The following EEFSEC variants were observed in gnomAD, a reference collection of about 807,000 sequenced individuals.
The protein encoded by EEFSEC is selenocysteine-specific elongation factor.
In EEFSEC, 43 loss-of-function variants were observed where a neutral mutation model predicts 42.1. That is an observed-to-expected ratio of 1.02 (90% CI 0.80 to 1.32). The LOEUF (loss-of-function observed/expected upper bound fraction) is 1.32. EEFSEC is among the 40% of genes most tolerant of loss of function. The pLI is 0.00. For synonymous variants in EEFSEC, 354 were observed against 339.1 expected, an observed-to-expected ratio of 1.04 and a Z score of -0.48; for missense variants, 745 against 803.6, an observed-to-expected ratio of 0.93 and a Z score of 0.88.
intron 6 of EEFSEC, among the ~76,000 whole-genome samples, chr3:128,380,589 G>A (rs1486807119): frequency 1.3e-5 from 2 of 152,204 alleles, no homozygotes; most frequent in South Asian, 2.1e-4. Flanking sequence ...TGGAGGGTTC[G>A]TACGTGCTTT....
intron 6 of EEFSEC, among the ~76,000 whole-genome samples, chr3:128,367,007 G>A (rs1576676135): frequency 6.6e-6 from 1 of 152,178 alleles, no homozygotes; most frequent in Non-Finnish European, 1.5e-5. Context: ...GGTTTCTCCT[G>A]CAGCCTCTCT....
At chr3:128,262,265 G>A (rs758000287) in intron 3 of EEFSEC, 41 bp downstream of exon 3, 63 of 1,564,982 alleles carry the variant, frequency 4.0e-5, no homozygotes, top group Admixed American at 1.2e-4. Flanking sequence ...TAGCCCCAGC[G>A]CTGCTCAGGC....
chr3:128,289,754 C>A (rs2066623736), intron 4 of EEFSEC, among the ~76,000 whole-genome samples: 1 of 152,204 alleles, frequency 6.6e-6, no homozygotes, highest in Non-Finnish European at 1.5e-5. Flanking sequence ...CAGAGGCTTG[C>A]TGTCATGTTT....
intron 4 of EEFSEC, among the ~76,000 whole-genome samples, chr3:128,293,469 C>T (rs112703590): frequency 2.4e-4 from 37 of 151,736 alleles, no homozygotes; most frequent in African/African-American, 6.5e-4. Flanking sequence ...AGACCATCCT[C>T]GCTAACACAG....
At chr3:128,181,366 A>T (rs898734091) in intron 1 of EEFSEC, among the ~76,000 whole-genome samples, 2 of 152,224 alleles carry the variant, frequency 1.3e-5, no homozygotes, top group South Asian at 2.1e-4. Context: ...CCTACAGCCT[A>T]TGCCGACATT....
chr3:128,230,562 A>G (rs539676957), intron 1 of EEFSEC, among the ~76,000 whole-genome samples: 214 of 152,324 alleles, frequency 1.4e-3, no homozygotes, highest in Non-Finnish European at 1.3e-3. Flanking sequence ...CAGGCTCAAG[A>G]GCACTCATAA....
intron 4 of EEFSEC, among the ~76,000 whole-genome samples, chr3:128,302,080 T>G (rs1478072550): frequency 1.3e-5 from 2 of 152,198 alleles, no homozygotes; most frequent in Non-Finnish European, 2.9e-5. Flanking sequence ...TTGTCAAAAT[T>G]AAATCATTTT....
chr3:128,295,410 T>G (rs1224834624), intron 4 of EEFSEC, among the ~76,000 whole-genome samples: 1 of 151,460 alleles, frequency 6.6e-6, no homozygotes, highest in Admixed American at 6.6e-5. Context: ...AAACCCCTTT[T>G]GTGATCTTTA....
At chr3:128,396,635 G>A (rs1415217900) in intron 6 of EEFSEC, among the ~76,000 whole-genome samples, 8 of 152,132 alleles carry the variant, frequency 5.3e-5, no homozygotes, top group Non-Finnish European at 7.3e-5. Flanking sequence ...CTGTGGTGCT[G>A]TGAAGGGTTT....
At chr3:128,399,737 G>A (rs886778349) in intron 6 of EEFSEC, among the ~76,000 whole-genome samples, 4 of 151,676 alleles carry the variant, frequency 2.6e-5, no homozygotes, top group Admixed American at 1.3e-4. Flanking sequence ...CTCAGGGAGC[G>A]CTCACACTGG....
chr3:128,333,009 T>C (rs1559924740), intron 4 of EEFSEC, among the ~76,000 whole-genome samples: 1 of 152,226 alleles, frequency 6.6e-6, no homozygotes, highest in Non-Finnish European at 1.5e-5. Context: ...CCTCTTTGAA[T>C]TGAAGTAACT....
chr3:128,346,307 G>A (rs1219065984), intron 5 of EEFSEC, among the ~76,000 whole-genome samples: 2 of 152,194 alleles, frequency 1.3e-5, no homozygotes, highest in South Asian at 2.1e-4. Context: ...ACTTACCATT[G>A]GTAAATGGCT....
At chr3:128,403,872 G>C (rs114184799) in intron 6 of EEFSEC, among the ~76,000 whole-genome samples, 1 of 152,160 alleles carries the variant, frequency 6.6e-6, no homozygotes, top group African/African-American at 2.4e-5. Flanking sequence ...TGTTTCCTTC[G>C]CCACCCTTCT....
At chr3:128,345,781 C>T (rs533791671) in intron 5 of EEFSEC, among the ~76,000 whole-genome samples, 76 of 152,334 alleles carry the variant, frequency 5.0e-4, no homozygotes, top group Admixed American at 8.5e-4. Flanking sequence ...GTTAAGTGAG[C>T]ACTTTCCGCC....
chr3:128,303,550 A>G (rs145128948), intron 4 of EEFSEC, among the ~76,000 whole-genome samples: 1,953 of 152,258 alleles, frequency 0.013, 35 homozygotes, highest in Admixed American at 0.037. Context: ...GTCTTTGCCC[A>G]TTTTTATACT....
At chr3:128,425,016 G>A in the EEFSEC span, among the ~76,000 whole-genome samples, 2 of 152,056 alleles carry the variant, frequency 1.3e-5, no homozygotes, top group African/African-American at 4.8e-5. Context: ...GAGAGTCTGC[G>A]ACTCTGTGAC....
the EEFSEC span, among the ~76,000 whole-genome samples, chr3:128,413,801 A>G: frequency 2.6e-5 from 4 of 152,148 alleles, no homozygotes; most frequent in Admixed American, 6.5e-5. Context: ...AGCATCCCAC[A>G]TAGCCACCAC....
At chr3:128,220,218 T>C (rs2065848632) in intron 1 of EEFSEC, among the ~76,000 whole-genome samples, 1 of 152,198 alleles carries the variant, frequency 6.6e-6, no homozygotes, top group African/African-American at 2.4e-5. Flanking sequence ...CCAGAGTCTG[T>C]GCTCCCAAGC....
At chr3:128,355,404 C>T (rs1208793985) in intron 5 of EEFSEC, among the ~76,000 whole-genome samples, 1 of 151,872 alleles carries the variant, frequency 6.6e-6, no homozygotes, top group Non-Finnish European at 1.5e-5. Flanking sequence ...CAAGCTGGGA[C>T]TAGCATTACA....
Sources: allele counts gnomAD v4.1 joint callset (sites outside exome capture counted in the v4.1 genomes callset), GRCh38; gene constraint gnomAD v4.1.1; transcripts MANE v1.5; gene names NCBI Gene and HGNC (gene_info 2026-07-23, HGNC 2026-07-21).